Variants in APBB2 observed in about 807,000 individuals in gnomAD.
The protein encoded by APBB2 is amyloid beta precursor protein binding family B member 2.
A neutral mutation model predicts 82.5 loss-of-function variants in APBB2; 38 were observed. That is an observed-to-expected ratio of 0.46 (90% CI 0.36 to 0.60). APBB2 has a LOEUF of 0.60. Ranked by LOEUF, APBB2 falls within the 20% of genes least tolerant of loss-of-function variation. The pLI, the probability that APBB2 is intolerant of heterozygous loss-of-function variation, is 0.00. For synonymous variants in APBB2, 341 were observed against 368.2 expected (o/e 0.93, Z 0.85); for missense variants, 772 against 972.3 (o/e 0.79, Z 2.74).
intron 6 of APBB2, among the ~76,000 whole-genome samples, chr4:40,957,677 G>A (rs997458699): frequency 3.3e-5 from 5 of 151,608 alleles, no homozygotes; most frequent in African/African-American, 9.7e-5. Flanking sequence ...TCTGCCTCCT[G>A]GGTTCAAGCA....
intron 1 of APBB2, among the ~76,000 whole-genome samples, chr4:41,195,122 C>T: frequency 6.6e-6 from 1 of 152,152 alleles, no homozygotes; most frequent in Non-Finnish European, 1.5e-5. Context: ...TCTTCACCCC[C>T]TCCCTGGGTG....
intron 1 of APBB2, among the ~76,000 whole-genome samples, chr4:41,204,132 G>A (rs987424935): frequency 2.0e-5 from 3 of 152,206 alleles, no homozygotes; most frequent in African/African-American, 4.8e-5. Context: ...AATGGCAACA[G>A]GGGATAAAAG....
chr4:40,923,267 C>T (rs532814894), intron 10 of APBB2, among the ~76,000 whole-genome samples: 3 of 152,304 alleles, frequency 2.0e-5, no homozygotes, highest in Middle Eastern at 3.4e-3. Context: ...GAGCCACGGT[C>T]GTGCCCAGCC....
intron 1 of APBB2, chr4:41,194,170 T>C: frequency 6.7e-6 from 1 of 148,580 alleles, no homozygotes; most frequent in Non-Finnish European, 1.5e-5. Context: ...AAAATTGTTT[T>C]AATTAGCTGG....
At chr4:40,876,720 T>C (rs529585277) in intron 12 of APBB2, among the ~76,000 whole-genome samples, 1 of 152,342 alleles carries the variant, frequency 6.6e-6, no homozygotes, top group South Asian at 2.1e-4. Flanking sequence ...TTTTAAAAAC[T>C]TGTATTATTT....
chr4:40,958,497 A>C (rs1282404345), intron 6 of APBB2, among the ~76,000 whole-genome samples: 1 of 152,238 alleles, frequency 6.6e-6, no homozygotes, highest in Admixed American at 6.5e-5. Flanking sequence ...AACTGCATTG[A>C]GATCACAACC....
At chr4:41,132,717 C>T (rs891809663) in intron 2 of APBB2, among the ~76,000 whole-genome samples, 3 of 152,106 alleles carry the variant, frequency 2.0e-5, no homozygotes, top group African/African-American at 7.2e-5. Flanking sequence ...ATAAGCTTTC[C>T]TGAGAACATT....
chr4:40,893,260 C>T lies in APBB2; in HGVS notation c.1401+5G>A. Reference sequence around the variant, plus strand: ...CTGCCGTGCATCATTCTACATGCCACTTACCTCTCCCCAAATCCCGACTGT... The same window carrying T: ...CTGCCGTGCATCATTCTACATGCCATTTACCTCTCCCCAAATCCCGACTGT... On this transcript the variant is annotated splice_donor_5th_base_variant and intron_variant, in intron 11 of 17. Coordinates refer to ENST00000508593, the MANE Select transcript of APBB2 (RefSeq NM_004307.2). 2 of 1,612,934 alleles carry T rather than the reference C, an allele frequency of 1.2e-6. No homozygotes were observed. The highest frequency in any genetic ancestry group is 1.7e-5 in the Admixed American group (1 of 59,836).
chr4:41,001,552 A>G (rs1805229283), intron 6 of APBB2, among the ~76,000 whole-genome samples: 1 of 152,224 alleles, frequency 6.6e-6, no homozygotes, highest in African/African-American at 2.4e-5. Flanking sequence ...ATGAAATCCA[A>G]TTATATTCAA....
chr4:41,183,259 C>T (rs531604121), intron 1 of APBB2, among the ~76,000 whole-genome samples: 12 of 152,306 alleles, frequency 7.9e-5, no homozygotes, highest in Middle Eastern at 3.4e-3. Flanking sequence ...GACTCTGCTT[C>T]CTCCTTTCAT....
At chr4:40,991,284 TAGGATTAC>T (rs1054502561) in intron 6 of APBB2, among the ~76,000 whole-genome samples, 2 of 149,654 alleles carry the variant, frequency 1.3e-5, no homozygotes, top group African/African-American at 2.5e-5. Context: ...CCCAAAGTGC[TAGGATTAC>T]AGGTGTGAGC....
At chr4:41,057,266 A>C (rs1728152510) in intron 4 of APBB2, among the ~76,000 whole-genome samples, 1 of 152,110 alleles carries the variant, frequency 6.6e-6, no homozygotes, top group African/African-American at 2.4e-5. Context: ...GCCTGGCCAA[A>C]ATGGTGAAAC....
At position 41,122,533 on chromosome 4, in the gene APBB2, G is replaced by A. The variant is rs530316551; in HGVS notation, c.-261+20454C>T. 1.1e-4 allele frequency among the ~76,000 whole-genome samples: 17 copies of A among 152,090 alleles called. No individual in the cohort carries two copies. In the East Asian group the frequency reaches 3.1e-3, roughly 28 times the overall value. ...CCATATGCCACCTGTTTTCTTATGGGACCTGGACTGATATGGATACCTGAA... is the reference window on the plus strand; with the variant it reads ...CCATATGCCACCTGTTTTCTTATGGAACCTGGACTGATATGGATACCTGAA... On this transcript the variant is annotated intron_variant, in intron 2 of 17. Coordinates refer to ENST00000508593, the MANE Select transcript of APBB2 (RefSeq NM_004307.2).
At chr4:40,846,237 A>G (rs1282926551) in intron 12 of APBB2, among the ~76,000 whole-genome samples, 1 of 150,214 alleles carries the variant, frequency 6.7e-6, no homozygotes, top group Non-Finnish European at 1.5e-5. Context: ...CAGGCCAATC[A>G]CTATGTGAGA....
intron 6 of APBB2, among the ~76,000 whole-genome samples, chr4:40,983,869 G>A (rs1799746528): frequency 6.6e-6 from 1 of 152,170 alleles, no homozygotes; most frequent in Non-Finnish European, 1.5e-5. Flanking sequence ...GAGCCATTGT[G>A]CCTAACTTTT....
At chr4:41,104,681 C>T (rs1560762732) in intron 2 of APBB2, among the ~76,000 whole-genome samples, 2 of 152,168 alleles carry the variant, frequency 1.3e-5, no homozygotes, top group African/African-American at 4.8e-5. Flanking sequence ...GTCCCAGTAT[C>T]TACTGTTTCC....
chr4:41,018,644 C>T (rs139716807), intron 5 of APBB2, among the ~76,000 whole-genome samples: 3 of 152,152 alleles, frequency 2.0e-5, no homozygotes, highest in Admixed American at 6.5e-5. Flanking sequence ...GTATATTCTC[C>T]GAGAAGGCGA....
intron 6 of APBB2, among the ~76,000 whole-genome samples, chr4:40,957,742 C>A (rs1792059417): frequency 6.6e-6 from 1 of 152,096 alleles, no homozygotes; most frequent in African/African-American, 2.4e-5. Context: ...TACCACCACG[C>A]CCGGCTAATT....
intron 6 of APBB2, among the ~76,000 whole-genome samples, chr4:40,963,486 G>A (rs767468950): frequency 8.5e-5 from 13 of 152,204 alleles, no homozygotes; most frequent in Non-Finnish European, 1.5e-4. Context: ...GGGCTCAAGC[G>A]ATCCTCCTGC....
Sources: allele counts gnomAD v4.1 joint callset (sites outside exome capture counted in the v4.1 genomes callset), GRCh38; gene constraint gnomAD v4.1.1; transcripts MANE v1.5; gene names NCBI Gene and HGNC (gene_info 2026-07-23, HGNC 2026-07-21).